AARSD1: variants seen among roughly 807,000 people sequenced by gnomAD.
AARSD1 encodes alanyl-tRNA synthetase domain containing 1.
In AARSD1, 44 loss-of-function variants were observed where a neutral mutation model predicts 48.7. That is an observed-to-expected ratio of 0.90 (90% CI 0.71 to 1.16). The LOEUF is 1.16. AARSD1 is among the 50% of genes most tolerant of loss of function. AARSD1 has a pLI of 0.00. For missense variants in AARSD1, 511 were observed against 523.1 expected (o/e 0.98, Z 0.23); for synonymous variants, 189 against 194.9 (o/e 0.97, Z 0.25).
In AARSD1 at chr17:42,964,029, G is replaced by GA. The variant is rs764705695; in HGVS notation, c.171+76dup. The GA allele has an allele frequency of 1.0e-4, 164 of 1,592,810 alleles. No individual in the cohort carries two copies. In the African/African-American group the frequency reaches 1.3e-3, roughly 13 times the overall value. The stretch of plus-strand genomic sequence containing the variant: ...GCTCATCTGAATTCATTATGGCTGA[G>GA]AAAAAAGGGGCAGGAGAGCATTTCG... On this transcript the variant is annotated intron_variant, in intron 2 of 11. Coordinates refer to ENST00000427569, the MANE Select transcript of AARSD1 (RefSeq NM_001261434.2).
chr17:42,953,708 CT>C lies in AARSD1; in HGVS notation c.1008+15del, dbSNP rs780540729. The C allele has an allele frequency of 9.9e-6, 16 of 1,614,160 alleles. No homozygotes were observed. The highest frequency in any genetic ancestry group is 1.4e-5 in the Non-Finnish European group (16 of 1,180,014). ...CTCTATCCAGGCCGGGGTAGAGAATCTCATGCTCCTCTTACCTCTGACCCAA... is the reference window on the plus strand; with the variant it reads ...CTCTATCCAGGCCGGGGTAGAGAATCCATGCTCCTCTTACCTCTGACCCAA... On this transcript the variant is annotated intron_variant, in intron 10 of 11. Transcript: ENST00000427569.
intron 11 of AARSD1, among the ~76,000 whole-genome samples, chr17:42,951,189 A>T (rs908958194): frequency 6.6e-6 from 1 of 152,168 alleles, no homozygotes; most frequent in African/African-American, 2.4e-5. Context: ...GCACAAAGAT[A>T]TATGTACCAT....
chr17:42,958,719 C>T (rs2049591666), intron 3 of AARSD1, among the ~76,000 whole-genome samples: 2 of 149,994 alleles, frequency 1.3e-5, no homozygotes, highest in South Asian at 4.2e-4. Context: ...TACAGGTGCA[C>T]GCCACCATGC....
At position 42,956,946 on chromosome 17, in the gene AARSD1, C is replaced by T. The variant is rs570156893; in HGVS notation, c.389+192G>A. Among the ~76,000 whole-genome samples, 1,277 of 138,878 alleles carry T rather than the reference C, an allele frequency of 9.2e-3. 11 individuals are homozygous for T. The highest frequency in any genetic ancestry group is 0.036 in the Middle Eastern group (10 of 274). 91.1% of individuals were successfully genotyped at this position (138,878 alleles called of 152,430 possible). On this transcript the variant is annotated intron_variant, in intron 4 of 11. Coordinates refer to ENST00000427569, the MANE Select transcript of AARSD1 (RefSeq NM_001261434.2). ...CCTCCCAAAGTGCTGGGATTACAAG[C>T]GTGAGCCACTGCGCCTGGCCTTTTT...
At chr17:42,954,999 T>C (rs1426258298) in intron 8 of AARSD1, 32 bp from the exon 9 acceptor site, 1 of 1,613,816 alleles carries the variant, frequency 6.2e-7, no homozygotes, top group Non-Finnish European at 8.5e-7. Flanking sequence ...AGTAGATAAA[T>C]GGAAAGGATA....
intron 3 of AARSD1, among the ~76,000 whole-genome samples, chr17:42,958,566 GTATTTATT>G (rs1287863560): frequency 6.6e-6 from 1 of 151,042 alleles, no homozygotes. Flanking sequence ...ATTTATTTTT[GTATTTATT>G]TATTTATTTA....
chr17:42,961,305 G>A lies in AARSD1; in HGVS notation c.218C>T (p.Thr73Ile), dbSNP rs780785654. ...ATGATCAGCCTGTTCCCCACGGCGA[G>A]TCACTCTCAGCACAGAGATGTCATT... ...TINDISVLRV[T>I]RRGEQADHFT... is the part of the protein sequence containing the mutation. The change falls in exon 3 of 12, where the codon ACT becomes ATT. Residue 73 changes from threonine (T) to isoleucine (I), a missense_variant. Coordinates refer to ENST00000427569, the MANE Select transcript of AARSD1 (RefSeq NM_001261434.2). 32 of 1,614,162 alleles carry A rather than the reference G, an allele frequency of 2.0e-5. No individual in the cohort carries two copies. In the South Asian group the frequency reaches 3.5e-4, roughly 18 times the overall value.
intron 9 of AARSD1, 24 bp downstream of exon 9, chr17:42,954,852 T>C: frequency 6.2e-7 from 1 of 1,613,112 alleles, no homozygotes; most frequent in Non-Finnish European, 8.5e-7. Flanking sequence ...TCCCCTTCCT[T>C]GTGTCCAGCT....
intron 2 of AARSD1, 108 bp downstream of exon 2, chr17:42,963,998 A>G (rs2049675436): frequency 6.5e-7 from 1 of 1,532,678 alleles, no homozygotes; most frequent in Middle Eastern, 1.7e-4. Flanking sequence ...AATGAATTAA[A>G]CTAAAGCTCA....
In AARSD1 at chr17:42,956,534, A is replaced by G; in HGVS notation, c.416T>C (p.Ile139Thr). The change falls in exon 5 of 12, where the codon ATT becomes ACT. Residue 139 changes from isoleucine to threonine, a missense_variant. Transcript: ENST00000427569. ...SWELGRFRSA[I>T]ELDTPSMTAE... ...AGTCATAGAGGGGGTGTCCAGCTCAATCGCACTCCGAAATCTCCCTAACTC... is the reference window on the plus strand; with the variant it reads ...AGTCATAGAGGGGGTGTCCAGCTCAGTCGCACTCCGAAATCTCCCTAACTC... 1.2e-6 allele frequency: 2 copies of G among 1,613,654 alleles called. No individual in the cohort carries two copies. Among genetic ancestry groups the G allele is most frequent in the East Asian group, 4.5e-5 (2 of 44,868 alleles).
In AARSD1 at chr17:42,956,480, C is replaced by A; in HGVS notation, c.470G>T (p.Ser157Ile). The A allele has an allele frequency of 1.2e-6, 2 of 1,614,062 alleles. No individual in the cohort carries two copies. Among genetic ancestry groups the A allele is most frequent in the Non-Finnish European group, 1.7e-6 (2 of 1,180,026 alleles). Residue 157 changes from serine (S) to isoleucine (I), a missense_variant, in exon 5 of 12, where the codon AGC (serine) becomes ATC (isoleucine). Coordinates refer to ENST00000427569, the MANE Select transcript of AARSD1 (RefSeq NM_001261434.2). ...TAEQVAAIEQ[S>I]VNEKIRDRLP... ...CCGATCTCTGATTTTTTCATTGACG[C>A]TCTGCTCAATGGCAGCTACTTGCTC...
rs1410479937 is a variant in AARSD1, at chr17:42,959,080, C to T, written c.332-1885G>A. Among the ~76,000 whole-genome samples, 4 of 146,112 alleles carry T rather than the reference C, an allele frequency of 2.7e-5. No individual in the cohort carries two copies. In the East Asian group the frequency reaches 8.9e-4, roughly 32 times the overall value. On this transcript the variant is annotated intron_variant, in intron 3 of 11. Coordinates refer to ENST00000427569, the MANE Select transcript of AARSD1 (RefSeq NM_001261434.2). Reference sequence around the variant, plus strand: ...GATGTGGTGGTGCGTGCCCGTAATCCCAGCTACTCAGGAGGCTGAGGCAGG... The same window carrying T: ...GATGTGGTGGTGCGTGCCCGTAATCTCAGCTACTCAGGAGGCTGAGGCAGG...
intron 3 of AARSD1, among the ~76,000 whole-genome samples, chr17:42,959,183 C>G (rs62076372): frequency 2.4e-5 from 3 of 125,404 alleles, no homozygotes; most frequent in East Asian, 2.7e-4. Context: ...GGTGACAGAG[C>G]GAGACTTTGT....
At chr17:42,953,850 T>C (rs538067394) in intron 9 of AARSD1, 72 bp from the exon 10 acceptor site, 1 of 1,596,740 alleles carries the variant, frequency 6.3e-7, no homozygotes, top group African/African-American at 1.3e-5. Flanking sequence ...GCCTGGCCCC[T>C]CCTTCTGAGG....
At chr17:42,959,732 C>T (rs1457958146) in intron 3 of AARSD1, among the ~76,000 whole-genome samples, 1 of 151,344 alleles carries the variant, frequency 6.6e-6, no homozygotes, top group Non-Finnish European at 1.5e-5. Flanking sequence ...GGCGCGATCT[C>T]GGCTCACTGC....
At chr17:42,952,451 AAG>A (rs1334029219) in intron 10 of AARSD1, among the ~76,000 whole-genome samples, 2 of 152,206 alleles carry the variant, frequency 1.3e-5, no homozygotes, top group African/African-American at 2.4e-5. Context: ...GAATTATGAA[AAG>A]AGAGATACAC....
At position 42,954,879 on chromosome 17, in the gene AARSD1, T is replaced by C. The variant is rs2049525458; in HGVS notation, c.950A>G (p.His317Arg). The C allele has an allele frequency of 6.2e-7, 1 of 1,613,932 alleles. No individual in the cohort carries two copies. The highest frequency in any genetic ancestry group is 1.3e-5 in the African/African-American group (1 of 74,916). ...SPDWGGVVIL[H>R]RKEGDSEFMN... ...TGTCCAGCTCCTAATTTCTCACCTG[T>C]GTAATATGACCACACCTCCCCAGTC... Residue 317 changes from histidine (H) to arginine (R), a missense_variant, in exon 9 of 12, where the codon CAC becomes CGC. By Grantham distance (29) the His-to-Arg change is conservative. Coordinates refer to ENST00000427569, the MANE Select transcript of AARSD1 (RefSeq NM_001261434.2).
intron 3 of AARSD1, among the ~76,000 whole-genome samples, chr17:42,959,518 G>A (rs557798247): frequency 4.6e-4 from 70 of 151,896 alleles, no homozygotes; most frequent in African/African-American, 1.4e-3. Context: ...GTGAGCCATC[G>A]CGAGCAGCCT....
At chr17:42,962,146 A>G in intron 2 of AARSD1, 1 of 219,104 alleles carries the variant, frequency 4.6e-6, no homozygotes, top group Non-Finnish European at 9.7e-6. Flanking sequence ...CTAAAATACA[A>G]AAAATTAACT....
Sources: allele counts gnomAD v4.1 joint callset (sites outside exome capture counted in the v4.1 genomes callset), GRCh38; gene constraint gnomAD v4.1.1; transcripts MANE v1.5; gene names NCBI Gene and HGNC (gene_info 2026-07-23, HGNC 2026-07-21).